Variants in DGAT2 observed in about 807,000 individuals in gnomAD.
The protein encoded by DGAT2 is acyl-CoA retinol O-fatty-acyltransferase.
A neutral mutation model predicts 48.4 loss-of-function variants in DGAT2; 33 were observed. The observed-to-expected ratio is 0.68, with a 90% CI of 0.52 to 0.91. DGAT2 has a LOEUF of 0.91. Ranked by LOEUF, DGAT2 falls within the 40% of genes least tolerant of loss-of-function variation. DGAT2 has a pLI of 0.00. For missense variants in DGAT2, 446 were observed against 493.7 expected, an observed-to-expected ratio of 0.90 and a Z score of 0.92; for synonymous variants, 191 against 194.1, an observed-to-expected ratio of 0.98 and a Z score of 0.13.
intron 5 of DGAT2, 71 bp from the exon 6 acceptor site, chr11:75,797,087 C>A: frequency 1.4e-6 from 2 of 1,405,598 alleles, no homozygotes; most frequent in Admixed American, 2.6e-5. Flanking sequence ...TGTTTTATAC[C>A]TGACTGTGTG....
intron 1 of DGAT2, among the ~76,000 whole-genome samples, chr11:75,772,429 G>C (rs1944767838): frequency 6.6e-6 from 1 of 152,124 alleles, no homozygotes; most frequent in Admixed American, 6.5e-5. Flanking sequence ...TGGTCTTCCT[G>C]TTCCTGCAGC....
At chr11:75,788,062 C>G (rs575087131) in intron 2 of DGAT2, among the ~76,000 whole-genome samples, 16 of 152,298 alleles carry the variant, frequency 1.1e-4, no homozygotes, top group Admixed American at 1.0e-3. Context: ...AGCTCAGCCC[C>G]CTCTGGTCCT....
chr11:75,769,381 C>G (rs753665215), intron 1 of DGAT2, among the ~76,000 whole-genome samples: 1 of 152,148 alleles, frequency 6.6e-6, no homozygotes, highest in Non-Finnish European at 1.5e-5. Context: ...ACCCCTGGCA[C>G]TTCCCTCCCC....
At chr11:75,781,670 CTTG>C (rs1235981671) in intron 1 of DGAT2, among the ~76,000 whole-genome samples, 1 of 152,216 alleles carries the variant, frequency 6.6e-6, no homozygotes, top group East Asian at 1.9e-4. Flanking sequence ...GCATTTCCCA[CTTG>C]TTGGCAGAGC....
chr11:75,776,270 C>G (rs910601056), intron 1 of DGAT2: 4 of 152,248 alleles, frequency 2.6e-5, no homozygotes, highest in Non-Finnish European at 5.9e-5. Context: ...AGTCATTCAG[C>G]AAACATCGAT....
At chr11:75,799,225 G>A (rs574214961) in intron 7 of DGAT2, among the ~76,000 whole-genome samples, 2 of 152,330 alleles carry the variant, frequency 1.3e-5, no homozygotes, top group Non-Finnish European at 2.9e-5. Flanking sequence ...CACAGGTGTG[G>A]CTGGGGAGGG....
At position 75,798,284 on chromosome 11, in the gene DGAT2, C is replaced by CT. The variant is rs1033972538; in HGVS notation, c.869dup (p.Glu291ArgfsTer93). 5 of 1,614,080 alleles carry CT rather than the reference C, an allele frequency of 3.1e-6. No individual in the cohort carries two copies. In the African/African-American group the frequency reaches 5.3e-5, roughly 17 times the overall value. On this transcript the variant is annotated frameshift_variant, in exon 7 of 8. Transcript: ENST00000228027. LOFTEE classifies it high-confidence loss of function. ...AGAATGAAGTGTACAAGCAGGTGAT[C>CT]TTCGAGGAGGGCTCCTGGGGCCGAT...
Position 75,796,365 on chromosome 11 carries a change from ATATC to A in DGAT2, c.469_472del (p.Ile157LeufsTer24). ...CACAACCTGCTGACCACCAGGAACTATATCTTTGGATACCACCCCCATGGTATCA... is the reference window on the plus strand; with the variant it reads ...CACAACCTGCTGACCACCAGGAACTATTTGGATACCACCCCCATGGTATCA... On this transcript the variant is annotated frameshift_variant, in exon 5 of 8. Coordinates refer to ENST00000228027, the MANE Select transcript of DGAT2 (RefSeq NM_032564.5). LOFTEE classifies it high-confidence loss of function. 6.2e-7 allele frequency: 1 copy of A among 1,614,108 alleles called. No homozygotes were observed. Among genetic ancestry groups the A allele is most frequent in the Middle Eastern group, 1.7e-4 (1 of 6,060 alleles).
intron 2 of DGAT2, among the ~76,000 whole-genome samples, chr11:75,789,860 C>T (rs568595827): frequency 6.6e-6 from 1 of 152,268 alleles, no homozygotes; most frequent in South Asian, 2.1e-4. Context: ...CATGGGGGCG[C>T]ACACAAGGAG....
intron 5 of DGAT2, chr11:75,796,763 C>T (rs1945061261): frequency 1.8e-6 from 1 of 563,748 alleles, no homozygotes; most frequent in East Asian, 3.0e-5. Flanking sequence ...CTTTGACCCC[C>T]TTTTCTGGGG....
chr11:75,782,355 A>T (rs1209364706), intron 1 of DGAT2, among the ~76,000 whole-genome samples: 1 of 152,192 alleles, frequency 6.6e-6, no homozygotes, highest in African/African-American at 2.4e-5. Context: ...GGTGATGCTG[A>T]TGCTGCTGTT....
At chr11:75,770,682 T>C (rs1271346362) in intron 1 of DGAT2, among the ~76,000 whole-genome samples, 1 of 152,230 alleles carries the variant, frequency 6.6e-6, no homozygotes, top group Non-Finnish European at 1.5e-5. Flanking sequence ...CTGGCTGTCA[T>C]GTTTTTGACT....
At chr11:75,796,772 G>T in intron 5 of DGAT2, 1 of 554,578 alleles carries the variant, frequency 1.8e-6, no homozygotes, top group South Asian at 2.2e-5. Context: ...CCTTTTCTGG[G>T]GACCCCCAGC....
chr11:75,784,600 A>T lies in DGAT2; in HGVS notation c.122-18A>T, dbSNP rs527490914. 20 of 1,613,588 alleles carry T rather than the reference A, an allele frequency of 1.2e-5. No homozygotes were observed. In the South Asian group the frequency reaches 2.1e-4, roughly 17 times the overall value. On this transcript the variant is annotated intron_variant, in intron 1 of 7. Transcript: ENST00000228027. Reference sequence around the variant, plus strand: ...GAGAGAAGGGTGACAGTGGACTGACATCTTCCCTCTGCTGTAGGCACTGGA... The same window carrying T: ...GAGAGAAGGGTGACAGTGGACTGACTTCTTCCCTCTGCTGTAGGCACTGGA...
At chr11:75,795,046 C>T (rs1350131727) in intron 4 of DGAT2, 1 of 150,530 alleles carries the variant, frequency 6.6e-6, no homozygotes, top group Admixed American at 6.7e-5. Flanking sequence ...TCCTTCTTTC[C>T]TTTCTTCTCA....
chr11:75,784,239 G>T (rs1944897224), intron 1 of DGAT2, among the ~76,000 whole-genome samples: 1 of 152,168 alleles, frequency 6.6e-6, no homozygotes, highest in African/African-American at 2.4e-5. Context: ...TTAAATATTT[G>T]TACTAGATTC....
chr11:75,770,997 G>A lies in DGAT2; in HGVS notation c.121+1885G>A, dbSNP rs142069473. Among the ~76,000 whole-genome samples the A allele has an allele frequency of 1.6e-4, 25 of 152,290 alleles. No homozygotes were observed. In the East Asian group the frequency reaches 4.6e-3, roughly 28 times the overall value. On this transcript the variant is annotated intron_variant, in intron 1 of 7. Coordinates refer to ENST00000228027, the MANE Select transcript of DGAT2 (RefSeq NM_032564.5). ...GCCTTCTAGATCCTTGGTCCTTGAAGATACTCCCCAGTGGCCTAGTTTGCC... is the reference window on the plus strand; with the variant it reads ...GCCTTCTAGATCCTTGGTCCTTGAAAATACTCCCCAGTGGCCTAGTTTGCC...
At position 75,784,807 on chromosome 11, in the gene DGAT2, T is replaced by C. The variant is rs1944904225; in HGVS notation, c.250+61T>C. On this transcript the variant is annotated intron_variant, in intron 2 of 7. Transcript: ENST00000228027. ...GCAGTGTCCACTTCCCCAAAAGAGG[T>C]AGAGCAGGAGCCCTGCTCTACAGGG... 12 of 1,608,432 alleles carry C rather than the reference T, an allele frequency of 7.5e-6. No individual in the cohort carries two copies. In the Middle Eastern group the frequency reaches 6.6e-4, roughly 89 times the overall value.
chr11:75,796,850 C>T (rs987917005), intron 5 of DGAT2: 7 of 464,972 alleles, frequency 1.5e-5, no homozygotes, highest in Non-Finnish European at 2.3e-5. Context: ...TGCCTGAGAC[C>T]TCCCACCAGA....
Sources: gnomAD v4.1 joint callset for allele counts (sites outside exome capture counted in the v4.1 genomes callset) on GRCh38, gnomAD v4.1.1 for gene constraint, MANE v1.5 for transcripts, NCBI Gene and HGNC (gene_info 2026-07-23, HGNC 2026-07-21) for gene names.